The following VPS13B variants were observed in gnomAD, a reference collection of about 807,000 sequenced individuals.
VPS13B encodes vacuolar protein sorting 13 homolog B.
Under a neutral mutation model 426.4 loss-of-function variants are expected in VPS13B, and 285 were observed. The ratio of observed to expected loss-of-function variants is 0.67; its 90% CI spans 0.61 to 0.74. The LOEUF is 0.74. VPS13B is among the 30% of genes least tolerant of loss of function. VPS13B has a pLI of 0.00. For missense variants in VPS13B, 4,537 were observed against 4,782.6 expected (o/e 0.95, Z 1.51); for synonymous variants, 1,676 against 1,676.4 (o/e 1.00, Z 0.01).
intron 19 of VPS13B, among the ~76,000 whole-genome samples, chr8:99,351,394 T>C (rs1406039444): frequency 6.6e-6 from 1 of 152,012 alleles, no homozygotes; most frequent in East Asian, 1.9e-4. Flanking sequence ...GTTTATATTA[T>C]GTTCATTTCT....
In VPS13B at chr8:99,525,989, T is replaced by C. The variant is rs1411503073; in HGVS notation, c.4745+4979T>C. 2.0e-5 allele frequency among the ~76,000 whole-genome samples: 3 copies of C among 151,928 alleles called. 1 individual carries two copies. The highest frequency in any genetic ancestry group is 4.4e-5 in the Non-Finnish European group (3 of 67,998). On this transcript the variant is annotated intron_variant, in intron 30 of 61. Transcript: ENST00000357162. ...TCCATATAGGTCGTTGTGTGGACTTTGGCTATTAGTTTGAGTGAGACATGG... is the reference window on the plus strand; with the variant it reads ...TCCATATAGGTCGTTGTGTGGACTTCGGCTATTAGTTTGAGTGAGACATGG...
intron 21 of VPS13B, among the ~76,000 whole-genome samples, chr8:99,411,990 C>A (rs1588345558): frequency 6.6e-6 from 1 of 152,182 alleles, no homozygotes; most frequent in East Asian, 1.9e-4. Flanking sequence ...TGTGATGCCT[C>A]CAGCTTTGTT....
chr8:99,354,562 G>C (rs964077405), intron 19 of VPS13B, among the ~76,000 whole-genome samples: 112 of 151,792 alleles, frequency 7.4e-4, no homozygotes, highest in African/African-American at 2.6e-3. Context: ...TTATGGTTCT[G>C]TTTAGAATTT....
chr8:99,378,813 T>C (rs532226072), intron 19 of VPS13B, among the ~76,000 whole-genome samples: 2 of 152,342 alleles, frequency 1.3e-5, no homozygotes, highest in East Asian at 3.9e-4. Flanking sequence ...GCTGATTTTT[T>C]TGTTATGGGA....
At chr8:99,247,822 T>C (rs1208818333) in intron 17 of VPS13B, among the ~76,000 whole-genome samples, 2 of 152,200 alleles carry the variant, frequency 1.3e-5, no homozygotes, top group African/African-American at 4.8e-5. Context: ...GAATATGTTA[T>C]TTGGGGCAGG....
intron 59 of VPS13B, 145 bp downstream of exon 59, chr8:99,868,610 G>A: frequency 1.1e-6 from 1 of 941,886 alleles, no homozygotes; most frequent in Non-Finnish European, 1.6e-6. Flanking sequence ...ACACAGAGTA[G>A]AATTTTACTA....
chr8:99,337,561 C>T (rs1476693384), intron 19 of VPS13B, among the ~76,000 whole-genome samples: 1 of 151,382 alleles, frequency 6.6e-6, no homozygotes, highest in East Asian at 1.9e-4. Flanking sequence ...AGGTCTTTTG[C>T]CCATTTTATG....
At chr8:99,018,098 C>T (rs1841709539) in intron 2 of VPS13B, among the ~76,000 whole-genome samples, 1 of 151,982 alleles carries the variant, frequency 6.6e-6, no homozygotes, top group Non-Finnish European at 1.5e-5. Context: ...CCTCTATTTT[C>T]TGGTTAGGTG....
rs753268999 is a variant in VPS13B at position 99,274,349 on chromosome 8, C to T, written c.2650+17C>T. 28 of 1,613,802 alleles carry T rather than the reference C, an allele frequency of 1.7e-5. No homozygotes were observed. Among genetic ancestry groups the T allele is most frequent in the Admixed American group, 1.5e-4 (9 of 59,990 alleles). On this transcript the variant is annotated intron_variant, in intron 18 of 61. Transcript: ENST00000357162. ...AAGCCCCAGGTATGTGCAGCTGGACCGTGTAAAACTTTATTGCCTGTATAG... is the reference window on the plus strand; with the variant it reads ...AAGCCCCAGGTATGTGCAGCTGGACTGTGTAAAACTTTATTGCCTGTATAG...
intron 29 of VPS13B, among the ~76,000 whole-genome samples, chr8:99,514,959 A>G (rs1288041231): frequency 1.3e-5 from 2 of 152,228 alleles, no homozygotes; most frequent in African/African-American, 2.4e-5. Flanking sequence ...AAGAAGAGCA[A>G]AGGGAGCTCA....
rs976875739 is a variant in VPS13B, at chr8:99,223,402, C to A, written c.2515+30345C>A. On this transcript the variant is annotated intron_variant, in intron 17 of 61. Coordinates refer to ENST00000357162, the MANE Select transcript of VPS13B (RefSeq NM_152564.5). The stretch of plus-strand genomic sequence containing the variant: ...TATGACACACTCTTGTACATACTTG[C>A]TATCTATTGTGTCATTTAGTCCTCA... Among the ~76,000 whole-genome samples, 7 of 152,192 alleles carry A rather than the reference C, an allele frequency of 4.6e-5. No individual in the cohort carries two copies. In the South Asian group the frequency reaches 1.2e-3, roughly 27 times the overall value.
At chr8:99,790,725 G>A (rs539757458) in intron 43 of VPS13B, among the ~76,000 whole-genome samples, 4 of 152,272 alleles carry the variant, frequency 2.6e-5, no homozygotes, top group African/African-American at 9.6e-5. Context: ...AGACAGAAGG[G>A]ATATTTGTAT....
At chr8:99,588,377 G>A (rs1312392238) in intron 33 of VPS13B, among the ~76,000 whole-genome samples, 1 of 151,638 alleles carries the variant, frequency 6.6e-6, no homozygotes, top group East Asian at 1.9e-4. Context: ...AGCTTGATGG[G>A]GATGTCATTG....
intron 29 of VPS13B, among the ~76,000 whole-genome samples, chr8:99,517,723 A>G (rs1316408458): frequency 6.6e-6 from 1 of 152,104 alleles, no homozygotes; most frequent in Non-Finnish European, 1.5e-5. Context: ...CTCAATTTTA[A>G]AAAATAGAGT....
intron 3 of VPS13B, among the ~76,000 whole-genome samples, chr8:99,060,597 C>A (rs368250795): frequency 1.4e-5 from 2 of 139,784 alleles, no homozygotes; most frequent in African/African-American, 2.7e-5. Flanking sequence ...TGATAGAGCG[C>A]GACTTCATCT....
intron 30 of VPS13B, among the ~76,000 whole-genome samples, chr8:99,547,461 G>A (rs1401681877): frequency 6.6e-6 from 1 of 151,764 alleles, no homozygotes; most frequent in Non-Finnish European, 1.5e-5. Flanking sequence ...TTAACATTTT[G>A]TGGATCTCAA....
intron 15 of VPS13B, among the ~76,000 whole-genome samples, chr8:99,165,399 C>T (rs1811945503): frequency 6.6e-6 from 1 of 152,030 alleles, no homozygotes; most frequent in Non-Finnish European, 1.5e-5. Flanking sequence ...GCAAACCCAT[C>T]GTTTGAATAT....
rs887943709 is a variant in VPS13B, at chr8:99,391,375, GA to G, written c.2935-172del. ...TGTCTGTGTGTGTGTGAGAGAGAGAGAAAAAAAAAAGCGGGGCTGTGGGGAC... is the reference window on the plus strand; with the variant it reads ...TGTCTGTGTGTGTGTGAGAGAGAGAGAAAAAAAAAGCGGGGCTGTGGGGAC... On this transcript the variant is annotated intron_variant, in intron 20 of 61. Transcript: ENST00000357162. Among the ~76,000 whole-genome samples the G allele has an allele frequency of 4.0e-4, 58 of 146,388 alleles. 1 individual carries two copies. The highest frequency in any genetic ancestry group is 1.3e-3 in the South Asian group (6 of 4,564).
At chr8:99,530,898 A>T (rs1313724827) in intron 30 of VPS13B, among the ~76,000 whole-genome samples, 2 of 152,144 alleles carry the variant, frequency 1.3e-5, no homozygotes, top group Non-Finnish European at 2.9e-5. Flanking sequence ...CTTTACCACT[A>T]CATCTCGCTG....
Sources: gnomAD v4.1 joint callset for allele counts (sites outside exome capture counted in the v4.1 genomes callset) on GRCh38, gnomAD v4.1.1 for gene constraint, MANE v1.5 for transcripts, NCBI Gene and HGNC (gene_info 2026-07-23, HGNC 2026-07-21) for gene names.